Variants in TMEM163 observed in about 807,000 individuals in gnomAD.
TMEM163 encodes the protein transmembrane protein 163.
Under a neutral mutation model 29.3 loss-of-function variants are expected in TMEM163, and 17 were observed. The observed-to-expected ratio is 0.58, with a 90% confidence interval of 0.40 to 0.87. TMEM163 has a LOEUF of 0.87. Among genes scored for constraint, TMEM163 ranks in the 40% least tolerant of loss-of-function variants. The pLI is 0.00. For missense variants in TMEM163, 303 were observed against 381.5 expected (o/e 0.79, Z 1.71); for synonymous variants, 157 against 160.6 (o/e 0.98, Z 0.17).
At chr2:134,661,981 G>A (rs1683764168) in intron 2 of TMEM163, among the ~76,000 whole-genome samples, 1 of 143,926 alleles carries the variant, frequency 6.9e-6, no homozygotes, top group Non-Finnish European at 1.5e-5. Context: ...ACCCAGGCTG[G>A]AGTGCAGTGG....
chr2:134,618,258 T>G (rs968941393), intron 2 of TMEM163, among the ~76,000 whole-genome samples: 2 of 152,240 alleles, frequency 1.3e-5, no homozygotes, highest in South Asian at 2.1e-4. Context: ...AGACCTATAG[T>G]GACTATCTTA....
At chr2:134,590,507 G>A (rs1261829551) in intron 2 of TMEM163, among the ~76,000 whole-genome samples, 1 of 152,148 alleles carries the variant, frequency 6.6e-6, no homozygotes, top group Non-Finnish European at 1.5e-5. Context: ...TACCAGAAAG[G>A]GGGTCCAGAT....
rs574781911 is a variant in TMEM163 at position 134,458,557 on chromosome 2, G to T, written c.668-384C>A. On this transcript the variant is annotated intron_variant, in intron 6 of 7. Coordinates refer to ENST00000281924, the MANE Select transcript of TMEM163 (RefSeq NM_030923.5). ...TCACAGTAGACATTCAAATACTTGG[G>T]GACTCATATCTGAGTGTCTGCTGGG... The T allele has an allele frequency of 4.1e-5, 8 of 193,526 alleles. No individual in the cohort carries two copies. The East Asian group carries it at 9.3e-4, about 23-fold the overall frequency. The allele number at this position is 193,526 out of a possible 1,614,324, so 12.0% of individuals were successfully genotyped here.
chr2:134,480,987 C>T (rs1271144496), intron 5 of TMEM163, among the ~76,000 whole-genome samples: 1 of 152,168 alleles, frequency 6.6e-6, no homozygotes, highest in Non-Finnish European at 1.5e-5. Context: ...AGTTCCTTCA[C>T]GTCCCTTTCT....
At chr2:134,506,054 A>G (rs1265458868) in intron 4 of TMEM163, among the ~76,000 whole-genome samples, 1 of 152,174 alleles carries the variant, frequency 6.6e-6, no homozygotes, top group Non-Finnish European at 1.5e-5. Context: ...CACGTCAGCC[A>G]AATGCCCGTG....
rs150062336 is a variant in TMEM163 at position 134,693,545 on chromosome 2, G to A, written c.322+19655C>T. On this transcript the variant is annotated intron_variant, in intron 2 of 7. Transcript: ENST00000281924. ...AATTGCTTGAGCCCAAGAGGCAGAG[G>A]TTGCAGTGAGCCAAGATTGCAACAC... Among the ~76,000 whole-genome samples, 1,221 of 149,458 alleles carry A rather than the reference G, an allele frequency of 8.2e-3. 20 individuals carry two copies. The highest frequency in any genetic ancestry group is 0.029 in the African/African-American group (1,165 of 40,320).
intron 6 of TMEM163, among the ~76,000 whole-genome samples, chr2:134,462,771 A>G (rs909682568): frequency 2.0e-5 from 3 of 152,238 alleles, no homozygotes; most frequent in Non-Finnish European, 4.4e-5. Flanking sequence ...TGTATCTGGA[A>G]TATCTATGTT....
chr2:134,573,852 T>C (rs1026175962), intron 2 of TMEM163, among the ~76,000 whole-genome samples: 1 of 152,162 alleles, frequency 6.6e-6, no homozygotes, highest in South Asian at 2.1e-4. Context: ...CCATTCTGCT[T>C]GGGATGCAGT....
At chr2:134,462,941 G>A (rs1046280356) in intron 6 of TMEM163, among the ~76,000 whole-genome samples, 8 of 152,192 alleles carry the variant, frequency 5.3e-5, no homozygotes, top group African/African-American at 1.4e-4. Context: ...CCCCAACTGC[G>A]GTCAGTGAGG....
chr2:134,649,000 A>G (rs1401632133), intron 2 of TMEM163, among the ~76,000 whole-genome samples: 2 of 152,204 alleles, frequency 1.3e-5, no homozygotes, highest in Non-Finnish European at 2.9e-5. Flanking sequence ...GTGGGGGAAA[A>G]TAAAATTGAA....
chr2:134,713,356 C>G, intron 1 of TMEM163, 37 bp from the exon 2 acceptor site: 1 of 1,611,022 alleles, frequency 6.2e-7, no homozygotes, highest in Non-Finnish European at 8.5e-7. Context: ...TTAGACATTT[C>G]CTTACTAAGA....
chr2:134,598,558 C>T (rs1258038930), intron 2 of TMEM163, among the ~76,000 whole-genome samples: 1 of 152,186 alleles, frequency 6.6e-6, no homozygotes, highest in Non-Finnish European at 1.5e-5. Context: ...GTGGCTCGTG[C>T]TTTTAGCCAC....
At chr2:134,679,933 G>A (rs872668) in intron 2 of TMEM163, among the ~76,000 whole-genome samples, 41,259 of 150,148 alleles carry the variant, frequency 0.27, 7,260 homozygotes, top group African/African-American at 0.49. Flanking sequence ...AACCCTAATG[G>A]CTCCACCCTA....
chr2:134,664,021 T>A (rs971417307), intron 2 of TMEM163, among the ~76,000 whole-genome samples: 3 of 152,214 alleles, frequency 2.0e-5, no homozygotes, highest in Non-Finnish European at 4.4e-5. Flanking sequence ...CTCTCCCATT[T>A]TTGTTCCATG....
chr2:134,686,190 C>T (rs903745245), intron 2 of TMEM163, among the ~76,000 whole-genome samples: 1 of 152,218 alleles, frequency 6.6e-6, no homozygotes, highest in African/African-American at 2.4e-5. Flanking sequence ...CACATTTCAC[C>T]TGCCAGAAGT....
chr2:134,514,593 C>A (rs1019952873), intron 4 of TMEM163, among the ~76,000 whole-genome samples: 1 of 152,114 alleles, frequency 6.6e-6, no homozygotes, highest in Non-Finnish European at 1.5e-5. Context: ...TTCTATGCTA[C>A]GGTACAGAAG....
chr2:134,511,156 G>GGGT (rs922959759), intron 4 of TMEM163, among the ~76,000 whole-genome samples: 1 of 150,920 alleles, frequency 6.6e-6, no homozygotes, highest in East Asian at 2.0e-4. Context: ...AACAAGGCGG[G>GGGT]GGGGGGTGCT....
chr2:134,547,274 T>C (rs1416981673), intron 4 of TMEM163, among the ~76,000 whole-genome samples: 9 of 152,148 alleles, frequency 5.9e-5, no homozygotes, highest in Admixed American at 4.6e-4. Flanking sequence ...CTAGGTACGC[T>C]CTGGTGGTGC....
intron 2 of TMEM163, among the ~76,000 whole-genome samples, chr2:134,621,666 G>A (rs1347464588): frequency 2.0e-5 from 3 of 151,790 alleles, no homozygotes; most frequent in South Asian, 2.1e-4. Context: ...TGAGGCAGGC[G>A]AATTACGAGG....
Sources: allele counts gnomAD v4.1 joint callset (sites outside exome capture counted in the v4.1 genomes callset), GRCh38; gene constraint gnomAD v4.1.1; transcripts MANE v1.5; gene names NCBI Gene and HGNC (gene_info 2026-07-23, HGNC 2026-07-21).